Variants in DOK4 observed in about 807,000 individuals in gnomAD.
The protein encoded by DOK4 is docking protein 4, also known as downstream of tyrosine kinase 4.
In DOK4, 26 loss-of-function variants were observed where a neutral mutation model predicts 40.1. The observed-to-expected ratio is 0.65, with a 90% CI of 0.48 to 0.90. DOK4 has a LOEUF of 0.90. Ranked by LOEUF, DOK4 falls within the 40% of genes least tolerant of loss-of-function variation. DOK4 has a pLI of 0.00. For synonymous variants in DOK4, 179 were observed against 177.0 expected (o/e 1.01, Z -0.09); for missense variants, 392 against 437.2 (o/e 0.90, Z 0.92).
exon 5 of DOK4, chr16:57,475,136 C>T (rs764706955): frequency 6.2e-7 from 1 of 1,613,892 alleles, no homozygotes; most frequent in South Asian, 1.1e-5. Context: ...GCCAGGAGGT[C>T]AGGTTCTCCC....
chr16:57,483,617 G>T (rs553151255), intron 1 of DOK4, among the ~76,000 whole-genome samples: 4 of 152,102 alleles, frequency 2.6e-5, no homozygotes. Flanking sequence ...GTGATAGAGT[G>T]AGACTGTTTC....
chr16:57,477,716 G>C (rs761589322), intron 2 of DOK4, among the ~76,000 whole-genome samples: 1 of 152,202 alleles, frequency 6.6e-6, no homozygotes, highest in Non-Finnish European at 1.5e-5. Flanking sequence ...CTCTGCCGCG[G>C]GAGAAAGGCC....
intron 2 of DOK4, among the ~76,000 whole-genome samples, chr16:57,478,305 G>A (rs776637358): frequency 1.3e-5 from 2 of 152,194 alleles, no homozygotes; most frequent in Non-Finnish European, 2.9e-5. Context: ...GACCAGCCCT[G>A]CTCTGTCTGG....
Position 57,474,143 on chromosome 16 carries a change from C to T in DOK4, c.600-104G>A, listed in dbSNP as rs1444381900. 34 of 1,517,350 alleles carry T rather than the reference C, an allele frequency of 2.2e-5. 1 individual carries two copies. Among genetic ancestry groups the T allele is most frequent in the African/African-American group, 5.5e-5 (4 of 73,262 alleles). 94.0% of individuals were successfully genotyped at this position (1,517,350 alleles called of 1,614,324 possible). On this transcript the variant is annotated intron_variant, in intron 6 of 8. Transcript: ENST00000340099. ...TGCAAGTTGTGGTTGCATTCCAGGC[C>T]GGGAGGACAGGTAGGGCTGTGGTCT... is the stretch of plus-strand genomic sequence containing the variant.
At chr16:57,480,674 G>A (rs2031382220) in intron 1 of DOK4, among the ~76,000 whole-genome samples, 2 of 152,102 alleles carry the variant, frequency 1.3e-5, no homozygotes, top group Admixed American at 1.3e-4. Context: ...GACAATGTGG[G>A]ATACCAAGGG....
At chr16:57,476,047 G>A in intron 2 of DOK4, 90 bp from the exon 3 acceptor site, 1 of 1,113,908 alleles carries the variant, frequency 9.0e-7, no homozygotes, top group South Asian at 1.3e-5. Context: ...TGCCACAGGG[G>A]GCGGTGCCGC....
chr16:57,475,729 TCTC>T (rs1670076481), intron 3 of DOK4, 109 bp from the exon 4 acceptor site: 7 of 457,058 alleles, frequency 1.5e-5, no homozygotes, highest in African/African-American at 3.0e-5. Flanking sequence ...CCTCCTTCTC[TCTC>T]CTCCTCTCCC....
chr16:57,485,251 C>G lies in DOK4; in HGVS notation c.-182+1054G>C, dbSNP rs896456526. ...GCATGCTGCTGACATCGAGGCCAGG[C>G]CTAGTTGGGCGGCCCCACCTTGGCC... On this transcript the variant is annotated intron_variant, in intron 1 of 8. Transcript: ENST00000340099. This position sits in a 1 kb window ranked among gnomAD's most constrained non-coding sequence, Gnocchi z 4.3. 1.3e-5 allele frequency among the ~76,000 whole-genome samples: 2 copies of G among 152,236 alleles called. No homozygotes were observed. Among genetic ancestry groups the G allele is most frequent in the African/African-American group, 4.8e-5 (2 of 41,466 alleles).
At chr16:57,482,845 T>G (rs1011571596) in intron 1 of DOK4, among the ~76,000 whole-genome samples, 2 of 152,190 alleles carry the variant, frequency 1.3e-5, no homozygotes, top group African/African-American at 4.8e-5. Context: ...ATAGTTTTCT[T>G]CAAGAGTTGC....
In DOK4 at chr16:57,479,779, A is replaced by ACTCCTCCTCTCTCCCTCTTCCCTCC. The variant is rs2031350317; in HGVS notation, c.-181-116_-181-92dup. The ACTCCTCCTCTCTCCCTCTTCCCTCC allele has an allele frequency of 3.0e-6, 1 of 328,518 alleles. No homozygotes were observed. The highest frequency in any genetic ancestry group is 6.7e-5 in the East Asian group (1 of 14,838). The allele number at this position is 328,518 out of a possible 1,614,324, so 20.4% of individuals were successfully genotyped here. A position where few individuals can be genotyped will look rare whatever the true frequency, so the allele number is the denominator to read the frequency against. ...TCTCTTTTTTCCTTCCTCTTCCCACACTCCTCCTCTCTCCCTCTTCCCTCC... is the reference window on the plus strand; with the variant it reads ...TCTCTTTTTTCCTTCCTCTTCCCACACTCCTCCTCTCTCCCTCTTCCCTCCCTCCTCCTCTCTCCCTCTTCCCTCC... On this transcript the variant is annotated intron_variant, in intron 1 of 8. Transcript: ENST00000340099. The surrounding 1 kb of genome is among the most constrained non-coding windows in gnomAD (Gnocchi z 5.8).
chr16:57,482,619 G>A (rs893104611), intron 1 of DOK4, among the ~76,000 whole-genome samples: 57 of 151,908 alleles, frequency 3.8e-4, no homozygotes, highest in African/African-American at 8.9e-4. Context: ...CACCCGCCTC[G>A]GCCTTCCAAC....
rs745508207 is a variant in DOK4 at position 57,475,660 on chromosome 16, A to ATCTCTCTCTCTCTCTC, written c.175-56_175-41dup. The ATCTCTCTCTCTCTCTC allele has an allele frequency of 5.9e-4, 282 of 476,716 alleles. 3 individuals carry two copies. The highest frequency in any genetic ancestry group is 1.2e-3 in the African/African-American group (32 of 27,460). The allele number at this position is 476,716 out of a possible 1,614,324, so 29.5% of individuals were successfully genotyped here. A position where few individuals can be genotyped will look rare whatever the true frequency, so the allele number is the denominator to read the frequency against. On this transcript the variant is annotated intron_variant, in intron 3 of 8. Transcript: ENST00000340099. ...ACAAGGGACTTAGCCAGGCCAGTGC[A>ATCTCTCTCTCTCTCTC]TCTCTCTCTCTCTCTCTCTCTCTCT... is the stretch of plus-strand genomic sequence containing the variant.
At chr16:57,473,931 C>G (rs1249486778) in exon 7 of DOK4, 1 of 1,614,042 alleles carries the variant, frequency 6.2e-7, no homozygotes, top group South Asian at 1.1e-5. Context: ...CCAGCAGGAC[C>G]CGCTTGTGCT....
chr16:57,479,294 C>T lies in DOK4; in HGVS notation c.66+148G>A. On this transcript the variant is annotated intron_variant, in intron 2 of 8. Coordinates refer to ENST00000340099, the Ensembl canonical transcript of DOK4. The surrounding 1 kb of genome is among the most constrained non-coding windows in gnomAD (Gnocchi z 5.8). The stretch of plus-strand genomic sequence containing the variant: ...GCCCAGGCACATGCCAGGCAGCACG[C>T]TGGCGAGGAGCCCCGAGACCACAGA... 1 of 855,852 alleles carries T rather than the reference C, an allele frequency of 1.2e-6. No homozygotes were observed. Among genetic ancestry groups the T allele is most frequent in the Non-Finnish European group, 1.8e-6 (1 of 559,134 alleles). 53.0% of individuals were successfully genotyped at this position (855,852 alleles called of 1,614,324 possible).
exon 9 of DOK4, chr16:57,473,190 A>G: frequency 1.3e-6 from 1 of 790,108 alleles, no homozygotes. Flanking sequence ...AACCCCTCAC[A>G]CATGCTCAGG....
At chr16:57,473,553 T>C (rs1035290971) in intron 8 of DOK4, 58 bp from the exon 9 acceptor site, 2 of 1,614,188 alleles carry the variant, frequency 1.2e-6, no homozygotes, top group South Asian at 2.2e-5. Context: ...CCCTGCCCAA[T>C]AGGCCTCATC....
At chr16:57,474,144 G>T (rs938427300) in intron 6 of DOK4, 105 bp from the exon 7 acceptor site, 3 of 1,504,190 alleles carry the variant, frequency 2.0e-6, no homozygotes, top group Non-Finnish European at 2.7e-6. Flanking sequence ...ATTCCAGGCC[G>T]GGAGGACAGG....
In DOK4 at chr16:57,485,817, G is replaced by C. The variant is rs2031524033; in HGVS notation, c.-182+488C>G. Among the ~76,000 whole-genome samples the C allele has an allele frequency of 6.6e-6, 1 of 152,230 alleles. No homozygotes were observed. Among genetic ancestry groups the C allele is most frequent in the Non-Finnish European group, 1.5e-5 (1 of 68,036 alleles). ...AGGCAGCTGGCCATGAGTTTGGGCT[G>C]TGGGGAGAAACCCCATAGGCAGGAG... On this transcript the variant is annotated intron_variant, in intron 1 of 8. Coordinates refer to ENST00000340099, the Ensembl canonical transcript of DOK4. The surrounding 1 kb of genome is among the most constrained non-coding windows in gnomAD (Gnocchi z 4.3).
Position 57,485,566 on chromosome 16 carries a change from C to T in DOK4, c.-182+739G>A, listed in dbSNP as rs2031518655. Among the ~76,000 whole-genome samples, 1 of 152,226 alleles carries T rather than the reference C, an allele frequency of 6.6e-6. No homozygotes were observed. The highest frequency in any genetic ancestry group is 1.5e-5 in the Non-Finnish European group (1 of 68,040). ...CTGGCCATCAGACCCCTCCAACCCA[C>T]ACCCTCCATCCAAGCGGAAGCGCCC... On this transcript the variant is annotated intron_variant, in intron 1 of 8. Transcript: ENST00000340099. This position sits in a 1 kb window ranked among gnomAD's most constrained non-coding sequence, Gnocchi z 4.3.
Sources: allele counts gnomAD v4.1 joint callset (sites outside exome capture counted in the v4.1 genomes callset), GRCh38; gene constraint gnomAD v4.1.1; non-coding constraint Gnocchi (gnomAD v3.1); transcripts MANE v1.5; gene names NCBI Gene and HGNC (gene_info 2026-07-23, HGNC 2026-07-21).